MYH15: variants seen among roughly 807,000 people sequenced by gnomAD.
MYH15 encodes myosin heavy chain 15.
MYH15 carries 227 observed loss-of-function variants against 240.5 expected under a neutral mutation model. That is an observed-to-expected ratio of 0.94 (90% CI 0.85 to 1.05). The LOEUF (loss-of-function observed/expected upper bound fraction) is 1.05, where lower values mean the gene tolerates loss of function less well. Among genes scored for constraint, MYH15 ranks in the 50% least tolerant of loss-of-function variants. The pLI is 0.00. For synonymous variants in MYH15, 785 were observed against 796.7 expected (o/e 0.99, Z 0.25); for missense variants, 2,217 against 2,247.5 (o/e 0.99, Z 0.27).
chr3:108,503,822 C>G (rs2083455280), intron 2 of MYH15, among the ~76,000 whole-genome samples: 1 of 152,140 alleles, frequency 6.6e-6, no homozygotes. Context: ...GAAATGAAAA[C>G]ATGTGTCCCC....
chr3:108,537,501 A>G, the MYH15 span, among the ~76,000 whole-genome samples: 1 of 152,188 alleles, frequency 6.6e-6, no homozygotes, highest in Non-Finnish European at 1.5e-5. Flanking sequence ...GATACATGAA[A>G]TATTTTACCC....
At chr3:108,515,053 C>A (rs114195081), upstream of MYH15, among the ~76,000 whole-genome samples, 590 of 152,208 alleles carry the variant, frequency 3.9e-3, 6 homozygotes, top group African/African-American at 0.014. Context: ...CCTGTTGAGC[C>A]CACACTCCTA....
At chr3:108,448,090 G>A (rs2082943234) in intron 21 of MYH15, among the ~76,000 whole-genome samples, 1 of 151,960 alleles carries the variant, frequency 6.6e-6, no homozygotes, top group Non-Finnish European at 1.5e-5. Context: ...TTTTATGTAA[G>A]CCTCATAGTA....
chr3:108,411,913 C>T (rs986047857), intron 30 of MYH15, among the ~76,000 whole-genome samples: 9 of 152,224 alleles, frequency 5.9e-5, no homozygotes, highest in African/African-American at 2.2e-4. Flanking sequence ...TAGGCTCTAA[C>T]AACACTCTGC....
intron 1 of MYH15, among the ~76,000 whole-genome samples, chr3:108,507,936 C>T (rs1348940818): frequency 6.6e-6 from 1 of 152,096 alleles, no homozygotes; most frequent in Non-Finnish European, 1.5e-5. Flanking sequence ...CATTTTAAAC[C>T]AAATGTTATC....
chr3:108,410,974 T>C (rs576244291), intron 30 of MYH15, 42 bp from the exon 31 acceptor site: 1 of 1,500,030 alleles, frequency 6.7e-7, no homozygotes, highest in South Asian at 1.2e-5. Context: ...AGGCAATAAC[T>C]CTCAGAGAGC....
intron 9 of MYH15, among the ~76,000 whole-genome samples, chr3:108,491,910 C>T (rs764891864): frequency 6.6e-6 from 1 of 152,024 alleles, no homozygotes; most frequent in Non-Finnish European, 1.5e-5. Context: ...AATCCCCTTC[C>T]CATTCTTCAT....
chr3:108,489,911 A>C (rs2083334069), intron 9 of MYH15, among the ~76,000 whole-genome samples: 1 of 152,204 alleles, frequency 6.6e-6, no homozygotes, highest in East Asian at 1.9e-4. Context: ...TTGCACAGTA[A>C]TCAATCTCAG....
At chr3:108,455,336 T>C (rs897174939) in intron 20 of MYH15, among the ~76,000 whole-genome samples, 1 of 152,200 alleles carries the variant, frequency 6.6e-6, no homozygotes, top group African/African-American at 2.4e-5. Context: ...TCAGAAAAAT[T>C]AGTCCCTAAG....
chr3:108,532,995 A>G (rs2083721603), upstream of MYH15, among the ~76,000 whole-genome samples: 1 of 152,268 alleles, frequency 6.6e-6, no homozygotes, highest in Non-Finnish European at 1.5e-5. Context: ...ATAGAATTAA[A>G]TAAGGTTTTC....
chr3:108,410,136 CACTAG>C (rs1453827315), intron 31 of MYH15, among the ~76,000 whole-genome samples: 12 of 152,120 alleles, frequency 7.9e-5, no homozygotes, highest in Non-Finnish European at 1.8e-4. Flanking sequence ...AGAAAACTAA[CACTAG>C]ACTATTCTGA....
intron 21 of MYH15, 52 bp downstream of exon 21, chr3:108,453,954 T>C: frequency 5.1e-6 from 8 of 1,565,470 alleles, no homozygotes; most frequent in Non-Finnish European, 7.0e-6. Context: ...GTTGCACTGG[T>C]TGAGGCACAC....
the MYH15 span, among the ~76,000 whole-genome samples, chr3:108,539,017 C>T: frequency 1.3e-5 from 2 of 152,138 alleles, no homozygotes; most frequent in Admixed American, 6.6e-5. Context: ...CTTGGTAACA[C>T]TAATCCATTC....
intron 36 of MYH15, among the ~76,000 whole-genome samples, chr3:108,392,271 TATTG>T (rs2082428040): frequency 6.6e-6 from 1 of 152,314 alleles, no homozygotes; most frequent in South Asian, 2.1e-4. Context: ...GATGACTGAT[TATTG>T]AATAAAGTAA....
In MYH15 at chr3:108,493,127, C is replaced by T. The variant is rs1165046939; in HGVS notation, c.762G>A (p.Val254=). The change falls in exon 8 of 41, where the codon GTG becomes GTA. Residue 254 remains valine (V), a synonymous_variant. Coordinates refer to ENST00000693548, the MANE Select transcript of MYH15 (RefSeq NM_014981.3). ...ATGACTACTTACAGATATCAATGTC[C>T]ACAGATGACAGCATGCCTCTGGCAC... ...HFGARGMLSS[V]DIDIYLLEKS... 1.2e-6 allele frequency: 2 copies of T among 1,613,786 alleles called. No individual in the cohort carries two copies. Among genetic ancestry groups the T allele is most frequent in the Non-Finnish European group, 1.7e-6 (2 of 1,179,908 alleles).
At position 108,399,075 on chromosome 3, in the gene MYH15, C is replaced by G. The variant is rs888294046; in HGVS notation, c.4929G>C (p.Lys1643Asn). ...ACCCCATCTTACAGTTTTAAAATAC[C>G]TTGATTTGAATCTGAAGCTGGCCCA... is the stretch of plus-strand genomic sequence containing the variant. ...KSLGQLQIQI[K>N]DLQMQLDDST... Residue 1643 changes from lysine to asparagine, a missense_variant and splice_region_variant, in exon 34 of 41, where the codon AAG becomes AAC. Transcript: ENST00000693548. The G allele has an allele frequency of 6.2e-7, 1 of 1,612,386 alleles. No individual in the cohort carries two copies. Among genetic ancestry groups the G allele is most frequent in the African/African-American group, 1.3e-5 (1 of 74,806 alleles).
intron 9 of MYH15, among the ~76,000 whole-genome samples, chr3:108,487,166 G>C (rs10446295): frequency 2.4e-4 from 36 of 152,238 alleles, no homozygotes; most frequent in Non-Finnish European, 4.8e-4. Context: ...GAGGCAGGCT[G>C]TCAGCCGCGC....
chr3:108,430,181 C>T (rs1014925442), intron 26 of MYH15, among the ~76,000 whole-genome samples: 2 of 152,094 alleles, frequency 1.3e-5, no homozygotes, highest in Non-Finnish European at 2.9e-5. Flanking sequence ...AGATAAATAT[C>T]AGAAAGATGT....
chr3:108,405,304 C>G, intron 33 of MYH15, 34 bp downstream of exon 33: 1 of 1,291,434 alleles, frequency 7.7e-7, no homozygotes, highest in Non-Finnish European at 1.1e-6. Context: ...TTCAGAAATA[C>G]ATAATTGTTA....
Sources: allele counts gnomAD v4.1 joint callset (sites outside exome capture counted in the v4.1 genomes callset), GRCh38; gene constraint gnomAD v4.1.1; transcripts MANE v1.5; gene names NCBI Gene and HGNC (gene_info 2026-07-23, HGNC 2026-07-21).